FAM241A: variants seen among roughly 807,000 people sequenced by gnomAD.
FAM241A encodes family with sequence similarity 241 member A, also known as uncharacterized protein FAM241A.
In FAM241A, 7 loss-of-function variants were observed where a neutral mutation model predicts 12.2. The ratio of observed to expected loss-of-function variants is 0.58; its 90% CI spans 0.33 to 1.08. The LOEUF (loss-of-function observed/expected upper bound fraction) is 1.08, where lower values mean the gene tolerates loss of function less well. FAM241A is among the 50% of genes least tolerant of loss of function. The pLI, the probability that FAM241A is intolerant of heterozygous loss-of-function variation, is 0.04. For missense variants in FAM241A, 161 were observed against 169.7 expected (o/e 0.95, Z 0.29); for synonymous variants, 74 against 68.2 (o/e 1.08, Z -0.42).
At chr4:112,151,391 A>G (rs1234375168) in intron 1 of FAM241A, among the ~76,000 whole-genome samples, 1 of 152,206 alleles carries the variant, frequency 6.6e-6, no homozygotes, top group Non-Finnish European at 1.5e-5. Context: ...CATGAGCCAA[A>G]TAAACCTCTC....
Position 112,189,217 on chromosome 4 carries a change from C to G in FAM241A, c.*2279C>G, listed in dbSNP as rs1380145377. ...TGGCTAACATGGTGAAACCCCATCCCTACTAAAGGTACAAAAAATTAGCCG... is the reference window on the plus strand; with the variant it reads ...TGGCTAACATGGTGAAACCCCATCCGTACTAAAGGTACAAAAAATTAGCCG... On this transcript the variant is annotated 3_prime_UTR_variant, in exon 2 of 2. Transcript: ENST00000309733. The G allele has an allele frequency of 6.6e-6, 1 of 151,622 alleles. No individual in the cohort carries two copies. Among genetic ancestry groups the G allele is most frequent in the Non-Finnish European group, 1.5e-5 (1 of 67,910 alleles). The allele number at this position is 151,622 out of a possible 1,614,324, so 9.4% of individuals were successfully genotyped here.
At chr4:112,147,252 C>T (rs182038406) in intron 1 of FAM241A, among the ~76,000 whole-genome samples, 2 of 152,294 alleles carry the variant, frequency 1.3e-5, no homozygotes, top group East Asian at 3.9e-4. Flanking sequence ...GCATACCTGC[C>T]TCCTTCATTG....
intron 1 of FAM241A, among the ~76,000 whole-genome samples, chr4:112,160,404 C>CA (rs34894300): frequency 0.51 from 61,845 of 121,368 alleles, 14,952 homozygotes; most frequent in East Asian, 0.78. Context: ...AACTCCATCT[C>CA]AAAAAAAAAA....
intron 1 of FAM241A, among the ~76,000 whole-genome samples, chr4:112,161,187 T>G (rs1723459460): frequency 6.6e-6 from 1 of 152,146 alleles, no homozygotes; most frequent in Non-Finnish European, 1.5e-5. Context: ...TTTATAGCAC[T>G]AAATGCCCAT....
At position 112,187,062 on chromosome 4, in the gene FAM241A, T is replaced by C; in HGVS notation, c.*124T>C. The C allele has an allele frequency of 9.5e-7, 1 of 1,049,284 alleles. No homozygotes were observed. Among genetic ancestry groups the C allele is most frequent in the South Asian group, 1.6e-5 (1 of 63,374 alleles). The allele number at this position is 1,049,284 out of a possible 1,614,324, so 65.0% of individuals were successfully genotyped here. On this transcript the variant is annotated 3_prime_UTR_variant, in exon 2 of 2. Coordinates refer to ENST00000309733, the MANE Select transcript of FAM241A (RefSeq NM_152400.3). ...TTCAAATCATGTGCTGGCTGTTTTG[T>C]AAGTAAATTTATACATGGATGTCAC...
chr4:112,158,004 A>G (rs1386072061), intron 1 of FAM241A, among the ~76,000 whole-genome samples: 2 of 152,156 alleles, frequency 1.3e-5, no homozygotes, highest in African/African-American at 2.4e-5. Flanking sequence ...ACTAATTAGC[A>G]TGCCTATCTT....
chr4:112,181,275 A>G (rs932246316), intron 1 of FAM241A, among the ~76,000 whole-genome samples: 8 of 152,140 alleles, frequency 5.3e-5, no homozygotes, highest in African/African-American at 1.7e-4. Flanking sequence ...TTGTTTTCAG[A>G]TTACTGTAGT....
chr4:112,163,774 C>A (rs1177989863), intron 1 of FAM241A, among the ~76,000 whole-genome samples: 1 of 152,200 alleles, frequency 6.6e-6, no homozygotes, highest in Non-Finnish European at 1.5e-5. Flanking sequence ...GGATCTAGAA[C>A]TAGAAATACC....
chr4:112,152,006 G>A (rs186067959), intron 1 of FAM241A, among the ~76,000 whole-genome samples: 1 of 152,284 alleles, frequency 6.6e-6, no homozygotes, highest in East Asian at 1.9e-4. Context: ...TTTAAAAGCA[G>A]TTTGCAAGCA....
At chr4:112,179,914 G>GACACATATATATATATATATAT in intron 1 of FAM241A, among the ~76,000 whole-genome samples, 1 of 117,770 alleles carries the variant, frequency 8.5e-6, no homozygotes, top group South Asian at 2.7e-4. Flanking sequence ...AAGAAAATGT[G>GACACATATATATATATATATAT]ATATATATAT....
chr4:112,184,103 T>A (rs1358400535), intron 1 of FAM241A, among the ~76,000 whole-genome samples: 1 of 152,210 alleles, frequency 6.6e-6, no homozygotes, highest in Non-Finnish European at 1.5e-5. Flanking sequence ...AAAAGTGAAG[T>A]AATTTGGCTA....
chr4:112,188,561 A>G lies in FAM241A; in HGVS notation c.*1623A>G, dbSNP rs2110437562. The G allele has an allele frequency of 6.6e-6, 1 of 152,296 alleles. No individual in the cohort carries two copies. The highest frequency in any genetic ancestry group is 2.1e-4 in the South Asian group (1 of 4,832). The allele number at this position is 152,296 out of a possible 1,614,324, so 9.4% of individuals were successfully genotyped here. On this transcript the variant is annotated 3_prime_UTR_variant, in exon 2 of 2. Transcript: ENST00000309733. ...TTTTTATTGCTTTTGCAATATTTTT[A>G]TAGTAGCCTTTATGAACTCAGTATA...
At chr4:112,160,774 T>G (rs1394241316) in intron 1 of FAM241A, among the ~76,000 whole-genome samples, 1 of 152,228 alleles carries the variant, frequency 6.6e-6, no homozygotes, top group Non-Finnish European at 1.5e-5. Flanking sequence ...GATCACATTT[T>G]TGACAAGGGT....
chr4:112,189,516 C>T lies in FAM241A; in HGVS notation c.*2578C>T, dbSNP rs1267592051. 1.3e-5 allele frequency: 2 copies of T among 152,038 alleles called. No individual in the cohort carries two copies. Among genetic ancestry groups the T allele is most frequent in the Non-Finnish European group, 2.9e-5 (2 of 68,014 alleles). The allele number at this position is 152,038 out of a possible 1,614,324, so 9.4% of individuals were successfully genotyped here. A position where few individuals can be genotyped will look rare whatever the true frequency, so the allele number is the denominator to read the frequency against. On this transcript the variant is annotated 3_prime_UTR_variant, in exon 2 of 2. Coordinates refer to ENST00000309733, the MANE Select transcript of FAM241A (RefSeq NM_152400.3). ...CTAAGGTTATTACATAATGCATACT[C>T]ATATGGCCAGTAATTCAAAAGAAAA...
chr4:112,186,458 G>C (rs1724041561), intron 1 of FAM241A, among the ~76,000 whole-genome samples: 1 of 152,192 alleles, frequency 6.6e-6, no homozygotes, highest in South Asian at 2.1e-4. Context: ...AGAAAAGGGT[G>C]TTCTGAAATC....
At chr4:112,151,581 G>A (rs1415816092) in intron 1 of FAM241A, among the ~76,000 whole-genome samples, 3 of 152,206 alleles carry the variant, frequency 2.0e-5, no homozygotes, top group Non-Finnish European at 4.4e-5. Context: ...ACTCCTAAGT[G>A]ATGCTGATGC....
intron 1 of FAM241A, among the ~76,000 whole-genome samples, chr4:112,164,908 T>TG (rs758378265): frequency 4.6e-5 from 7 of 152,080 alleles, no homozygotes; most frequent in Non-Finnish European, 8.8e-5. Context: ...CTCAGGAGTT[T>TG]GAGACCAGCC....
At chr4:112,182,679 G>A (rs907837841) in intron 1 of FAM241A, among the ~76,000 whole-genome samples, 1 of 151,066 alleles carries the variant, frequency 6.6e-6, no homozygotes, top group East Asian at 1.9e-4. Flanking sequence ...AAATTTTCAG[G>A]AACTTTTTGA....
chr4:112,171,744 A>C (rs1560583673), intron 1 of FAM241A, among the ~76,000 whole-genome samples: 1 of 152,104 alleles, frequency 6.6e-6, no homozygotes, highest in African/African-American at 2.4e-5. Context: ...CTGTAGTCCC[A>C]GCTACTCAGG....
Sources: gnomAD v4.1 joint callset for allele counts (sites outside exome capture counted in the v4.1 genomes callset) on GRCh38, gnomAD v4.1.1 for gene constraint, MANE v1.5 for transcripts, NCBI Gene and HGNC (gene_info 2026-07-23, HGNC 2026-07-21) for gene names.